Variants in ITPK1 observed in about 807,000 individuals in gnomAD.
ITPK1 encodes inositol 1,3,4-trisphosphate 5/6-kinase.
Under a neutral mutation model 45.3 loss-of-function variants are expected in ITPK1, and 21 were observed. That is an observed-to-expected ratio of 0.46 (90% CI 0.33 to 0.67). The LOEUF is 0.67. ITPK1 is among the 30% of genes least tolerant of loss of function. The probability of loss-of-function intolerance (pLI) is 0.02; values close to 1 mark genes in which losing one functional copy is unlikely to be tolerated. For missense variants in ITPK1, 474 were observed against 573.5 expected (o/e 0.83, Z 1.77); for synonymous variants, 258 against 253.6 (o/e 1.02, Z -0.16).
At chr14:93,099,021 C>T (rs1327499733) in intron 2 of ITPK1, among the ~76,000 whole-genome samples, 1 of 152,198 alleles carries the variant, frequency 6.6e-6, no homozygotes, top group Non-Finnish European at 1.5e-5. Flanking sequence ...CCCCTTTGCC[C>T]GGGGCCCTCG....
intron 2 of ITPK1, among the ~76,000 whole-genome samples, chr14:93,090,187 GC>G (rs1891811284): frequency 6.6e-6 from 1 of 150,906 alleles, no homozygotes. Context: ...AGCAAGTCTC[GC>G]CCCATCTGTT....
At chr14:93,113,887 G>C (rs981892448) in intron 2 of ITPK1, among the ~76,000 whole-genome samples, 1 of 152,202 alleles carries the variant, frequency 6.6e-6, no homozygotes, top group African/African-American at 2.4e-5. Context: ...TGCGGGGCTT[G>C]CACGGGGCAA....
intron 3 of ITPK1, among the ~76,000 whole-genome samples, chr14:93,053,564 T>C (rs1268487823): frequency 3.9e-5 from 6 of 152,212 alleles, no homozygotes; most frequent in Non-Finnish European, 8.8e-5. Flanking sequence ...TAATGGTAGA[T>C]GCAGGTCACT....
chr14:92,991,086 C>A (rs79235675), intron 5 of ITPK1, among the ~76,000 whole-genome samples: 2,745 of 152,278 alleles, frequency 0.018, 72 homozygotes, highest in Admixed American at 0.079. Context: ...AGCACAAAAG[C>A]GTGTCACTGG....
intron 5 of ITPK1, among the ~76,000 whole-genome samples, chr14:92,972,574 A>C (rs752824992): frequency 1.2e-4 from 19 of 152,084 alleles, no homozygotes; most frequent in Non-Finnish European, 1.9e-4. Flanking sequence ...TATACTTCCC[A>C]ACTCTTTTGT....
chr14:93,036,577 A>C lies in ITPK1; in HGVS notation c.121-19776T>G, dbSNP rs1595157976. Among the ~76,000 whole-genome samples the C allele has an allele frequency of 3.7e-5, 5 of 135,024 alleles. No individual in the cohort carries two copies. Among genetic ancestry groups the C allele is most frequent in the African/African-American group, 5.7e-5 (2 of 35,090 alleles). The allele number at this position is 135,024 out of a possible 152,430, so 88.6% of individuals were successfully genotyped here. The stretch of plus-strand genomic sequence containing the variant: ...TCTCCACACCCCCTAACCCCCAGCC[A>C]CTCTCCCCGGCGTTCTGTGGCCCAC... On this transcript the variant is annotated intron_variant, in intron 3 of 10. Coordinates refer to ENST00000267615, the MANE Select transcript of ITPK1 (RefSeq NM_014216.6). This position sits in a 1 kb window ranked among gnomAD's most constrained non-coding sequence, Gnocchi z 4.1.
chr14:92,987,788 G>A (rs1275175087), intron 5 of ITPK1, among the ~76,000 whole-genome samples: 1 of 152,186 alleles, frequency 6.6e-6, no homozygotes, highest in Non-Finnish European at 1.5e-5. Context: ...GGCCAGACCT[G>A]GTTCCACATG....
chr14:92,984,059 C>A (rs780549995), intron 5 of ITPK1, among the ~76,000 whole-genome samples: 1 of 152,128 alleles, frequency 6.6e-6, no homozygotes, highest in Non-Finnish European at 1.5e-5. Flanking sequence ...TGCACTAGAG[C>A]CTACTGTAAT....
chr14:93,095,434 C>T (rs1892037102), intron 2 of ITPK1, among the ~76,000 whole-genome samples: 1 of 142,252 alleles, frequency 7.0e-6, no homozygotes, highest in Non-Finnish European at 1.5e-5. Flanking sequence ...TGACCCAGTC[C>T]CTCCAATTCC....
At chr14:93,072,563 A>G (rs1013891574) in intron 3 of ITPK1, among the ~76,000 whole-genome samples, 1 of 152,044 alleles carries the variant, frequency 6.6e-6, no homozygotes, top group Non-Finnish European at 1.5e-5. Flanking sequence ...ATTCCTTTAT[A>G]ATTATTTGCC....
rs2139690068 is a variant in ITPK1 at position 92,941,549 on chromosome 14, C to T, written c.*12G>A. 4 of 1,522,452 alleles carry T rather than the reference C, an allele frequency of 2.6e-6. No homozygotes were observed. The highest frequency in any genetic ancestry group is 3.5e-6 in the Non-Finnish European group (4 of 1,140,376). The allele number at this position is 1,522,452 out of a possible 1,614,324, so 94.3% of individuals were successfully genotyped here. The stretch of plus-strand genomic sequence containing the variant: ...GCGCCCTGCGCTGCCCCTCTGGGTC[C>T]CGGCTCCGTGGCTACTGGGAGGAGG... On this transcript the variant is annotated 3_prime_UTR_variant, in exon 11 of 11. Coordinates refer to ENST00000267615, the MANE Select transcript of ITPK1 (RefSeq NM_014216.6).
chr14:92,992,878 C>T (rs1566721215), intron 5 of ITPK1, among the ~76,000 whole-genome samples: 1 of 152,262 alleles, frequency 6.6e-6, no homozygotes, highest in Non-Finnish European at 1.5e-5. Flanking sequence ...ATCATGCCCA[C>T]TTCTAAGAGT....
chr14:92,962,919 C>T (rs1885164977), intron 5 of ITPK1, 70 bp from the exon 6 acceptor site: 1 of 1,042,616 alleles, frequency 9.6e-7, no homozygotes. Context: ...CCTGTGACAG[C>T]CCGCCCCACC....
rs115764114 is a variant in ITPK1 at position 92,981,764 on chromosome 14, C to T, written c.364+12116G>A. Among the ~76,000 whole-genome samples the T allele has an allele frequency of 1.8e-3, 267 of 152,268 alleles. 1 individual carries two copies. The highest frequency in any genetic ancestry group is 5.8e-3 in the African/African-American group (242 of 41,542). On this transcript the variant is annotated intron_variant, in intron 5 of 10. Transcript: ENST00000267615. ...GAAGACAGCGGCCAGCAGACAATGA[C>T]GAAACAGTGGAATGAATGTGCGATG...
intron 4 of ITPK1, among the ~76,000 whole-genome samples, chr14:93,004,149 G>A (rs191603253): frequency 6.6e-6 from 1 of 152,320 alleles, no homozygotes; most frequent in East Asian, 1.9e-4. Context: ...TCGCCTGCAA[G>A]CCAGCGAGAT....
At chr14:93,013,129 C>T (rs1373334024) in intron 4 of ITPK1, among the ~76,000 whole-genome samples, 1 of 152,214 alleles carries the variant, frequency 6.6e-6, no homozygotes, top group Non-Finnish European at 1.5e-5. Context: ...CCCTGGGGGC[C>T]CCTGCCTGGT....
chr14:92,980,899 G>A (rs1886194200), intron 5 of ITPK1, among the ~76,000 whole-genome samples: 1 of 152,204 alleles, frequency 6.6e-6, no homozygotes, highest in Non-Finnish European at 1.5e-5. Context: ...GTAGAAACAA[G>A]GTTTCACTAT....
At chr14:92,950,737 A>G (rs1887919405) in intron 9 of ITPK1, among the ~76,000 whole-genome samples, 1 of 152,374 alleles carries the variant, frequency 6.6e-6, no homozygotes, top group Middle Eastern at 3.4e-3. Context: ...AGGCCCCCAG[A>G]GCAAAGCCAT....
At chr14:93,030,108 A>G (rs1474511889) in intron 3 of ITPK1, among the ~76,000 whole-genome samples, 2 of 152,134 alleles carry the variant, frequency 1.3e-5, no homozygotes, top group Non-Finnish European at 2.9e-5. Flanking sequence ...TGCAGGCTGC[A>G]CTCCCTTCCA....
Sources: gnomAD v4.1 joint callset for allele counts (sites outside exome capture counted in the v4.1 genomes callset) on GRCh38, gnomAD v4.1.1 for gene constraint, Gnocchi (gnomAD v3.1) non-coding constraint, MANE v1.5 for transcripts, NCBI Gene and HGNC (gene_info 2026-07-23, HGNC 2026-07-21) for gene names.